SPEF2: variants seen among roughly 807,000 people sequenced by gnomAD.
SPEF2 encodes sperm flagella and cilia-associated protein 2.
Under a neutral mutation model 224.6 loss-of-function variants are expected in SPEF2, and 187 were observed. The observed-to-expected ratio is 0.83, with a 90% CI of 0.74 to 0.94. The LOEUF (loss-of-function observed/expected upper bound fraction) is 0.94. SPEF2 is among the 40% of genes least tolerant of loss of function. The probability of loss-of-function intolerance (pLI) is 0.00; values close to 1 mark genes in which losing one functional copy is unlikely to be tolerated. For synonymous variants in SPEF2, 715 were observed against 707.3 expected (o/e 1.01, Z -0.17); for missense variants, 2,170 against 2,135.6 (o/e 1.02, Z -0.32).
chr5:35,713,747 A>T (rs1438606084), intron 20 of SPEF2, among the ~76,000 whole-genome samples: 4 of 39,236 alleles, frequency 1.0e-4, no homozygotes, highest in Non-Finnish European at 2.5e-4. Flanking sequence ...ATATATATAT[A>T]TTTTATATAT....
intron 20 of SPEF2, among the ~76,000 whole-genome samples, chr5:35,724,420 T>C (rs914587202): frequency 6.6e-6 from 1 of 152,028 alleles, no homozygotes; most frequent in African/African-American, 2.4e-5. Flanking sequence ...AAAATTGGTA[T>C]GCAATATAAA....
At chr5:35,774,070 A>G in intron 28 of SPEF2, 49 bp downstream of exon 28, 1 of 1,592,000 alleles carries the variant, frequency 6.3e-7, no homozygotes. Context: ...AAAGGAGACC[A>G]GTAGCCAAAC....
chr5:35,800,177 T>C (rs368554875), intron 34 of SPEF2, 30 bp downstream of exon 34: 8 of 1,609,506 alleles, frequency 5.0e-6, no homozygotes, highest in East Asian at 2.2e-5. Context: ...AGACTAACTA[T>C]AGAGTCTAGA....
intron 1 of SPEF2, among the ~76,000 whole-genome samples, chr5:35,623,892 A>G (rs954140738): frequency 2.6e-5 from 4 of 152,222 alleles, no homozygotes; most frequent in Non-Finnish European, 5.9e-5. Context: ...TATGCTAAGC[A>G]TTTTACATAT....
intron 7 of SPEF2, among the ~76,000 whole-genome samples, chr5:35,656,407 A>G (rs1203732953): frequency 6.6e-6 from 1 of 152,204 alleles, no homozygotes; most frequent in East Asian, 1.9e-4. Context: ...TTATTTCTTC[A>G]TATTCTGATT....
chr5:35,631,329 G>C (rs889851447), intron 2 of SPEF2, among the ~76,000 whole-genome samples: 3 of 152,192 alleles, frequency 2.0e-5, no homozygotes, highest in African/African-American at 7.2e-5. Context: ...GGGAATTATG[G>C]GAGCTACAAG....
rs749064830 is a variant in SPEF2 at position 35,727,763 on chromosome 5, G to A, written c.3003G>A (p.Val1001=). 1 of 1,613,984 alleles carries A rather than the reference G, an allele frequency of 6.2e-7. No homozygotes were observed. Among genetic ancestry groups the A allele is most frequent in the Non-Finnish European group, 8.5e-7 (1 of 1,179,912 alleles). ...DSTDTSPVAI[V]PQPPKPGSEE... ...CAGATACATCACCTGTTGCAATAGT[G>A]CCACAGCCACCTAAGCCAGGATCAG... Residue 1001 remains valine (V), a synonymous_variant, in exon 21 of 37, where the codon GTG becomes GTA. Coordinates refer to ENST00000356031, the MANE Select transcript of SPEF2 (RefSeq NM_024867.4).
Position 35,692,630 on chromosome 5 carries a change from A to G in SPEF2, c.1805A>G (p.His602Arg). 6.2e-7 allele frequency: 1 copy of G among 1,613,812 alleles called. No homozygotes were observed. Reference protein sequence around the residue: ...TLVQEAIQAFHDNEKVSEVLP... With the variant: ...TLVQEAIQAFRDNEKVSEVLP... The stretch of plus-strand genomic sequence containing the variant: ...GTCCAAGAAGCTATCCAAGCATTTC[A>G]TGACAATGAAAAAGTCAGTGAGGTT... Residue 602 changes from histidine (H) to arginine (R), a missense_variant, in exon 12 of 37, where the codon CAT becomes CGT. Transcript: ENST00000356031.
intron 8 of SPEF2, among the ~76,000 whole-genome samples, chr5:35,659,632 C>A (rs750633103): frequency 7.2e-5 from 11 of 152,194 alleles, no homozygotes; most frequent in Non-Finnish European, 1.6e-4. Flanking sequence ...ACTTTGTTTC[C>A]TTGAATATCT....
intron 34 of SPEF2, among the ~76,000 whole-genome samples, chr5:35,803,629 T>TA (rs1165560168): frequency 6.6e-6 from 1 of 152,164 alleles, no homozygotes; most frequent in Non-Finnish European, 1.5e-5. Context: ...TCACTCCTCA[T>TA]CCCACTGTCT....
intron 1 of SPEF2, 95 bp from the exon 2 acceptor site, chr5:35,628,365 T>C: frequency 1.5e-6 from 1 of 660,148 alleles, no homozygotes. Context: ...TCCAGTTAAA[T>C]TGTGTAGTTT....
At chr5:35,717,881 C>A (rs1742895339) in intron 20 of SPEF2, among the ~76,000 whole-genome samples, 1 of 152,158 alleles carries the variant, frequency 6.6e-6, no homozygotes, top group Non-Finnish European at 1.5e-5. Flanking sequence ...AGGACGAAGA[C>A]CGATCTTAAC....
chr5:35,811,674 A>C (rs1561400158), intron 36 of SPEF2, among the ~76,000 whole-genome samples: 1 of 151,942 alleles, frequency 6.6e-6, no homozygotes. Context: ...TGTTTAACTC[A>C]GTTCCTGGAA....
At chr5:35,711,918 C>T (rs757833035) in intron 19 of SPEF2, among the ~76,000 whole-genome samples, 1 of 151,950 alleles carries the variant, frequency 6.6e-6, no homozygotes, top group African/African-American at 2.4e-5. Context: ...TAGCCCAGGA[C>T]CAGGGAGGAA....
intron 10 of SPEF2, among the ~76,000 whole-genome samples, chr5:35,674,214 G>A (rs6896510): frequency 0.61 from 92,119 of 151,816 alleles, 28,680 homozygotes; most frequent in East Asian, 0.73. Context: ...GAAGCCCAAG[G>A]TTAAGGTGTT....
At position 35,787,872 on chromosome 5, in the gene SPEF2, A is replaced by G. The variant is rs1047229839; in HGVS notation, c.4448-4468A>G. On this transcript the variant is annotated intron_variant, in intron 30 of 36. Coordinates refer to ENST00000356031, the MANE Select transcript of SPEF2 (RefSeq NM_024867.4). ...ATGTGGAGTTATTTTAAAGGCAGGA[A>G]TCCTTCGGATGGTGTGAATAGAGTC... 5.3e-6 allele frequency: 3 copies of G among 565,410 alleles called. No homozygotes were observed. The African/African-American group carries it at 5.6e-5, about 11-fold the overall frequency. The allele number at this position is 565,410 out of a possible 1,614,324, so 35.0% of individuals were successfully genotyped here.
chr5:35,758,110 A>ATT, intron 24 of SPEF2, among the ~76,000 whole-genome samples: 1 of 152,300 alleles, frequency 6.6e-6, no homozygotes. Context: ...ATTTCTTGAT[A>ATT]TTTTACAAAA....
intron 10 of SPEF2, among the ~76,000 whole-genome samples, chr5:35,687,645 G>C (rs1273579351): frequency 6.6e-6 from 1 of 151,992 alleles, no homozygotes; most frequent in Non-Finnish European, 1.5e-5. Context: ...GTGAGCCACC[G>C]CACCAGGCCC....
chr5:35,709,516 T>G, intron 19 of SPEF2: 1 of 989,500 alleles, frequency 1.0e-6, no homozygotes, highest in East Asian at 1.1e-4. Context: ...TATAGCTGGT[T>G]TTCCACCAGA....
Sources: allele counts gnomAD v4.1 joint callset (sites outside exome capture counted in the v4.1 genomes callset), GRCh38; gene constraint gnomAD v4.1.1; transcripts MANE v1.5; gene names NCBI Gene and HGNC (gene_info 2026-07-23, HGNC 2026-07-21).